The following ABR variants were observed in gnomAD, a reference collection of about 807,000 sequenced individuals.
ABR encodes ABR activator of RhoGEF and GTPase, also known as active breakpoint cluster region-related protein.
A neutral mutation model predicts 107.2 loss-of-function variants in ABR; 35 were observed. The ratio of observed to expected loss-of-function variants is 0.33; its 90% CI spans 0.25 to 0.43. The LOEUF is 0.43. Ranked by LOEUF, ABR falls within the 20% of genes least tolerant of loss-of-function variation. ABR has a pLI of 1.00. For missense variants in ABR, 815 were observed against 1,115.2 expected (o/e 0.73, Z 3.83); for synonymous variants, 498 against 462.0 (o/e 1.08, Z -1.00).
intron 3 of ABR, among the ~76,000 whole-genome samples, chr17:1,094,421 A>G (rs1259038597): frequency 4.1e-5 from 6 of 146,770 alleles, no homozygotes; most frequent in Non-Finnish European, 8.9e-5. Flanking sequence ...CCCAGGCTGG[A>G]GTGCAATAGT....
chr17:1,126,424 G>C (rs1567800843), intron 1 of ABR: 1 of 152,438 alleles, frequency 6.6e-6, no homozygotes. Context: ...GCGGGGGGTG[G>C]ACACCCCTCT....
upstream of ABR, among the ~76,000 whole-genome samples, chr17:1,180,521 C>T (rs1172719450): frequency 6.6e-6 from 1 of 152,166 alleles, no homozygotes; most frequent in Admixed American, 6.5e-5. Flanking sequence ...GGTGGAGACC[C>T]GGGAGGACCG....
At position 1,071,555 on chromosome 17, in the gene ABR, G is replaced by A. The variant is rs745988766; in HGVS notation, c.894+1059C>T. ...GCATCAAGAAGGGCCCCCAGGGAAC[G>A]GCTGTCCCACATGCAGGTGCCCACT... On this transcript the variant is annotated intron_variant, in intron 8 of 22. Coordinates refer to ENST00000302538, the MANE Select transcript of ABR (RefSeq NM_021962.5). The surrounding 1 kb of genome is among the most constrained non-coding windows in gnomAD (Gnocchi z 5.1). Among the ~76,000 whole-genome samples, 13 of 152,338 alleles carry A rather than the reference G, an allele frequency of 8.5e-5. No homozygotes were observed. The highest frequency in any genetic ancestry group is 1.3e-4 in the Admixed American group (2 of 15,306).
rs917946039 is a variant in ABR, at chr17:1,051,710, G to A, written c.1562-1076C>T. The stretch of plus-strand genomic sequence containing the variant: ...GAAACAACGTCAGAGGTCACAGTGC[G>A]GGCATACAGTGCAGGTGGCTTACTC... On this transcript the variant is annotated intron_variant, in intron 14 of 22. Transcript: ENST00000302538. This position sits in a 1 kb window ranked among gnomAD's most constrained non-coding sequence, Gnocchi z 4.3. Among the ~76,000 whole-genome samples, 14 of 152,182 alleles carry A rather than the reference G, an allele frequency of 9.2e-5. No individual in the cohort carries two copies. Among genetic ancestry groups the A allele is most frequent in the Admixed American group, 1.3e-4 (2 of 15,274 alleles).
intron 16 of ABR, among the ~76,000 whole-genome samples, chr17:1,045,907 C>T (rs2031513905): frequency 6.6e-6 from 1 of 152,264 alleles, no homozygotes; most frequent in African/African-American, 2.4e-5. Flanking sequence ...CTCATTCTGT[C>T]TTGTCCAGGC....
intron 4 of ABR, among the ~76,000 whole-genome samples, chr17:1,087,669 G>A (rs1207006739): frequency 6.6e-6 from 1 of 151,836 alleles, no homozygotes; most frequent in Non-Finnish European, 1.5e-5. Flanking sequence ...CACGCTACAC[G>A]AGGCATACTA....
intron 1 of ABR, among the ~76,000 whole-genome samples, chr17:1,143,524 C>CTCAT (rs2040403087): frequency 1.0e-5 from 1 of 95,796 alleles, no homozygotes; most frequent in Non-Finnish European, 2.4e-5. Flanking sequence ...GGACAGCTCG[C>CTCAT]TCCTGGGGGA....
At chr17:1,028,166 C>T (rs1273357926) in intron 16 of ABR, among the ~76,000 whole-genome samples, 3 of 152,164 alleles carry the variant, frequency 2.0e-5, no homozygotes, top group Non-Finnish European at 2.9e-5. Flanking sequence ...TCTCGGCTCA[C>T]TGCAACCTCC....
rs1054859748 is a variant in ABR, at chr17:1,057,274, A to G, written c.1382-172T>C. On this transcript the variant is annotated intron_variant, in intron 12 of 22. Transcript: ENST00000302538. The stretch of plus-strand genomic sequence containing the variant: ...GCAGGACTGGTGTAGATGCTGCGAG[A>G]GGGGTCAGAGTAGGAGAATCTAACT... Among the ~76,000 whole-genome samples, 8 of 146,244 alleles carry G rather than the reference A, an allele frequency of 5.5e-5. 1 individual carries two copies. Among genetic ancestry groups the G allele is most frequent in the African/African-American group, 1.5e-4 (6 of 39,428 alleles).
chr17:1,164,229 A>G (rs1306150476), intron 1 of ABR, among the ~76,000 whole-genome samples: 1 of 150,104 alleles, frequency 6.7e-6, no homozygotes, highest in Non-Finnish European at 1.5e-5. Context: ...CCCAGTGAAC[A>G]TGGATGTCGG....
At chr17:1,066,682 C>T (rs2034775813) in intron 10 of ABR, among the ~76,000 whole-genome samples, 1 of 152,102 alleles carries the variant, frequency 6.6e-6, no homozygotes. Flanking sequence ...GTGCCCACCA[C>T]CACACTCTGC....
chr17:1,017,964 G>C (rs1429334867), intron 16 of ABR, among the ~76,000 whole-genome samples: 2 of 152,006 alleles, frequency 1.3e-5, no homozygotes, highest in Non-Finnish European at 1.5e-5. Flanking sequence ...GTTGCCCTGG[G>C]CTTCAGTGAT....
At chr17:1,042,911 A>G (rs1035938451) in intron 16 of ABR, among the ~76,000 whole-genome samples, 22 of 152,198 alleles carry the variant, frequency 1.4e-4, no homozygotes, top group African/African-American at 4.1e-4. Flanking sequence ...CAGACACACA[A>G]CGGCATATGG....
intron 16 of ABR, among the ~76,000 whole-genome samples, chr17:1,034,016 G>T (rs1286271451): frequency 6.7e-6 from 1 of 148,746 alleles, no homozygotes; most frequent in East Asian, 2.0e-4. Context: ...TGTTGCCCAG[G>T]CTGGAGTGCA....
Position 1,037,822 on chromosome 17 carries a change from C to T in ABR, c.1791+12228G>A, listed in dbSNP as rs1198671297. On this transcript the variant is annotated intron_variant, in intron 16 of 22. Coordinates refer to ENST00000302538, the MANE Select transcript of ABR (RefSeq NM_021962.5). The surrounding 1 kb of genome is among the most constrained non-coding windows in gnomAD (Gnocchi z 4.6). ...GAACACCTCCCTTCCACCCAAGCTC[C>T]GAGCTCATGGTGGCCAGAAGCAAAG... Among the ~76,000 whole-genome samples the T allele has an allele frequency of 3.9e-5, 6 of 152,242 alleles. No individual in the cohort carries two copies. Among genetic ancestry groups the T allele is most frequent in the Non-Finnish European group, 8.8e-5 (6 of 68,012 alleles).
intron 1 of ABR, among the ~76,000 whole-genome samples, chr17:1,140,982 G>A (rs1323767002): frequency 6.6e-6 from 1 of 152,062 alleles, no homozygotes; most frequent in African/African-American, 2.4e-5. Flanking sequence ...AAAGAAACAA[G>A]ATGAGGATAA....
Position 1,010,132 on chromosome 17 carries a change from G to A in ABR, c.2237-348C>T, listed in dbSNP as rs564081111. On this transcript the variant is annotated intron_variant, in intron 20 of 22. Transcript: ENST00000302538. The surrounding 1 kb of genome is among the most constrained non-coding windows in gnomAD (Gnocchi z 4.1). ...AAGCCAGTAGGGACATATCCTGCCA[G>A]CGGTGGATTCTCTTTCTCCACCCCT... The A allele has an allele frequency of 1.1e-4, 34 of 322,058 alleles. No homozygotes were observed. The highest frequency in any genetic ancestry group is 1.8e-4 in the Non-Finnish European group (31 of 171,074). The allele number at this position is 322,058 out of a possible 1,614,324, so 20.0% of individuals were successfully genotyped here.
intron 1 of ABR, among the ~76,000 whole-genome samples, chr17:1,145,767 C>T (rs2040502304): frequency 6.6e-6 from 1 of 152,226 alleles, no homozygotes; most frequent in African/African-American, 2.4e-5. Context: ...CCCCTGCCTT[C>T]CACCCCAGGG....
chr17:1,104,316 C>T (rs1296611778), intron 2 of ABR, among the ~76,000 whole-genome samples: 3 of 152,320 alleles, frequency 2.0e-5, no homozygotes, highest in Middle Eastern at 3.4e-3. Context: ...AGAGATAAGG[C>T]GTGGCCAGCT....
Sources: gnomAD v4.1 joint callset for allele counts (sites outside exome capture counted in the v4.1 genomes callset) on GRCh38, gnomAD v4.1.1 for gene constraint, Gnocchi (gnomAD v3.1) non-coding constraint, MANE v1.5 for transcripts, NCBI Gene and HGNC (gene_info 2026-07-23, HGNC 2026-07-21) for gene names.